ZBTB43: variants seen among roughly 807,000 people sequenced by gnomAD.
ZBTB43 encodes zinc finger and BTB domain containing 43, also known as zinc finger and BTB domain-containing protein 43.
Under a neutral mutation model 31.1 loss-of-function variants are expected in ZBTB43, and 6 were observed. That is an observed-to-expected ratio of 0.19 (90% CI 0.11 to 0.38). ZBTB43 has a LOEUF of 0.38. Among genes scored for constraint, ZBTB43 ranks in the 10% least tolerant of loss-of-function variants. The pLI, the probability that ZBTB43 is intolerant of heterozygous loss-of-function variation, is 1.00. For missense variants in ZBTB43, 379 were observed against 602.1 expected (o/e 0.63, Z 3.88); for synonymous variants, 212 against 221.7 (o/e 0.96, Z 0.39).
intron 2 of ZBTB43, among the ~76,000 whole-genome samples, chr9:126,810,784 T>C (rs1292116837): frequency 6.6e-6 from 1 of 151,294 alleles, no homozygotes; most frequent in Non-Finnish European, 1.5e-5. Flanking sequence ...ATTACAGGAG[T>C]GAGCCACCAT....
Position 126,835,370 on chromosome 9 carries a change from G to A in ZBTB43, c.*1457G>A, listed in dbSNP as rs2119176788. On this transcript the variant is annotated 3_prime_UTR_variant, in exon 3 of 3. Coordinates refer to ENST00000373464, the MANE Select transcript of ZBTB43 (RefSeq NM_014007.4). ...CTGAGGTTATCACCAGGGTAGGACAGGGTGCTACTACCATGTCATCTTTTC... is the reference window on the plus strand; with the variant it reads ...CTGAGGTTATCACCAGGGTAGGACAAGGTGCTACTACCATGTCATCTTTTC... The A allele has an allele frequency of 6.0e-6, 1 of 167,176 alleles. No individual in the cohort carries two copies. Among genetic ancestry groups the A allele is most frequent in the Admixed American group, 6.5e-5 (1 of 15,300 alleles). 10.4% of individuals were successfully genotyped at this position (167,176 alleles called of 1,614,324 possible).
At chr9:126,820,256 AGAG>A (rs1386999607) in intron 2 of ZBTB43, among the ~76,000 whole-genome samples, 5 of 152,220 alleles carry the variant, frequency 3.3e-5, no homozygotes, top group Non-Finnish European at 7.3e-5. Flanking sequence ...CCATAGCTAG[AGAG>A]GAGAAGACAA....
At chr9:126,806,200 C>T (rs2032124496) in intron 1 of ZBTB43, among the ~76,000 whole-genome samples, 1 of 152,170 alleles carries the variant, frequency 6.6e-6, no homozygotes, top group African/African-American at 2.4e-5. Context: ...TTTAACAGGC[C>T]TGTCTACAGG....
intron 2 of ZBTB43, among the ~76,000 whole-genome samples, chr9:126,828,389 T>C (rs1337937684): frequency 6.6e-6 from 1 of 151,788 alleles, no homozygotes; most frequent in African/African-American, 2.4e-5. Flanking sequence ...TTCACCGTGT[T>C]AGCCAGGATG....
chr9:126,816,343 G>C (rs1028012417), intron 2 of ZBTB43, among the ~76,000 whole-genome samples: 2 of 151,902 alleles, frequency 1.3e-5, no homozygotes, highest in African/African-American at 4.8e-5. Flanking sequence ...CTCTATATTA[G>C]TTTCCTGATA....
At chr9:126,815,186 TTATATATATAGTTTTCAATATATAAAAC>T (rs71493865) in intron 2 of ZBTB43, among the ~76,000 whole-genome samples, 55 of 149,158 alleles carry the variant, frequency 3.7e-4, no homozygotes, top group African/African-American at 1.0e-3. Context: ...TGTGTATTGT[TTATATATATAGTTTTCAATATATAAAAC>T]TATATATATA....
At chr9:126,804,869 T>C (rs951531335), upstream of ZBTB43, 1 of 152,482 alleles carries the variant, frequency 6.6e-6, no homozygotes, top group African/African-American at 2.4e-5. Flanking sequence ...ATTGACCCGC[T>C]CCAGAGTGTA....
At position 126,833,414 on chromosome 9, in the gene ZBTB43, T is replaced by C; in HGVS notation, c.905T>C (p.Phe302Ser). The C allele has an allele frequency of 6.2e-7, 1 of 1,614,068 alleles. No homozygotes were observed. The highest frequency in any genetic ancestry group is 1.7e-5 in the Admixed American group (1 of 60,022). Residue 302 changes from phenylalanine (F) to serine (S), a missense_variant, in exon 3 of 3, where the codon TTT becomes TCT. Physicochemically the swap from Phe to Ser is radical, Grantham distance 155. Around this residue, in one of 5 missense-constraint regions of ZBTB43, gnomAD observed 253 missense variants for 322.3 expected, o/e 0.79. Coordinates refer to ENST00000373464, the MANE Select transcript of ZBTB43 (RefSeq NM_014007.4). This position sits in a 1 kb window ranked among gnomAD's most constrained non-coding sequence, Gnocchi z 7.9. ...HIGEKKVEAE[F>S]DEQADESNYD... ...GGGGAGAAGAAAGTGGAAGCTGAGTTTGATGAACAGGCTGATGAAAGCAAT... is the reference window on the plus strand; with the variant it reads ...GGGGAGAAGAAAGTGGAAGCTGAGTCTGATGAACAGGCTGATGAAAGCAAT...
intron 2 of ZBTB43, among the ~76,000 whole-genome samples, chr9:126,829,155 A>T (rs2032714115): frequency 6.6e-6 from 1 of 152,050 alleles, no homozygotes; most frequent in African/African-American, 2.4e-5. Flanking sequence ...GTATCAGAAA[A>T]TTTTTTAAAA....
At chr9:126,805,870 G>A (rs2032115767) in intron 1 of ZBTB43, among the ~76,000 whole-genome samples, 1 of 151,198 alleles carries the variant, frequency 6.6e-6, no homozygotes, top group African/African-American at 2.5e-5. Context: ...TTTGGGTGGG[G>A]CAGGGCTGCC....
chr9:126,836,091 T>A lies in ZBTB43; in HGVS notation c.*2178T>A, dbSNP rs536157553. 6.0e-5 allele frequency: 10 copies of A among 167,254 alleles called. No homozygotes were observed. In the East Asian group the frequency reaches 1.9e-3, roughly 32 times the overall value. The allele number at this position is 167,254 out of a possible 1,614,324, so 10.4% of individuals were successfully genotyped here. On this transcript the variant is annotated 3_prime_UTR_variant, in exon 3 of 3. Transcript: ENST00000373464. ...GGAAGGTTTGATGTCCTGTTTCTCA[T>A]TGAAGACTATTTACATGATCATTAG...
chr9:126,811,354 A>G (rs1214564478), intron 2 of ZBTB43, among the ~76,000 whole-genome samples: 1 of 152,150 alleles, frequency 6.6e-6, no homozygotes, highest in Non-Finnish European at 1.5e-5. Context: ...TAAGTTGCTT[A>G]GCTTTTTTGT....
intron 2 of ZBTB43, among the ~76,000 whole-genome samples, chr9:126,821,865 A>AT (rs1309662422): frequency 1.6e-3 from 246 of 151,756 alleles, no homozygotes; most frequent in African/African-American, 5.7e-3. Context: ...AAAACATGAG[A>AT]TTTTTTTTCT....
chr9:126,809,813 T>C (rs1200685811), intron 2 of ZBTB43, among the ~76,000 whole-genome samples: 4 of 151,986 alleles, frequency 2.6e-5, no homozygotes, highest in African/African-American at 9.7e-5. Context: ...ATAAAATACA[T>C]GTGCAAAGTG....
At chr9:126,825,826 T>C (rs1407301598) in intron 2 of ZBTB43, among the ~76,000 whole-genome samples, 2 of 148,984 alleles carry the variant, frequency 1.3e-5, no homozygotes, top group Admixed American at 6.9e-5. Flanking sequence ...GCTTTTTCCA[T>C]TTGGTTCCTT....
chr9:126,832,984 T>G lies in ZBTB43; in HGVS notation c.475T>G (p.Ser159Ala). ...CCTGGTAGAGAGCTTTGAGCTGGGC[T>G]CTGGGGGTCATACTGATTTTCCCAA... ...NGLVESFELG[S>A]GGHTDFPKAQ... Residue 159 changes from serine to alanine, a missense_variant, in exon 3 of 3, where the codon TCT becomes GCT. Ser to Ala is a moderately conservative substitution (Grantham distance 99). Coordinates refer to ENST00000373464, the MANE Select transcript of ZBTB43 (RefSeq NM_014007.4). 6.2e-7 allele frequency: 1 copy of G among 1,613,706 alleles called. No individual in the cohort carries two copies. Among genetic ancestry groups the G allele is most frequent in the Non-Finnish European group, 8.5e-7 (1 of 1,180,016 alleles).
At chr9:126,811,859 T>C (rs1468489830) in intron 2 of ZBTB43, among the ~76,000 whole-genome samples, 1 of 152,164 alleles carries the variant, frequency 6.6e-6, no homozygotes, top group Non-Finnish European at 1.5e-5. Flanking sequence ...CTCCCGACCT[T>C]GTGATCCACC....
At position 126,837,094 on chromosome 9, in the gene ZBTB43, ACT is replaced by A. The variant is rs1034380648; in HGVS notation, c.*3184_*3185del. 6.2e-6 allele frequency: 1 copy of A among 161,952 alleles called. No homozygotes were observed. The highest frequency in any genetic ancestry group is 1.5e-5 in the Non-Finnish European group (1 of 67,452). The allele number at this position is 161,952 out of a possible 1,614,324, so 10.0% of individuals were successfully genotyped here. On this transcript the variant is annotated 3_prime_UTR_variant, in exon 3 of 3. Transcript: ENST00000373464. ...ACTCCAGCCTGCGCGACAGATCGAGACTCTGTCTCAAAAAAAAAAAAAAAATT... is the reference window on the plus strand; with the variant it reads ...ACTCCAGCCTGCGCGACAGATCGAGACTGTCTCAAAAAAAAAAAAAAAATT...
intron 1 of ZBTB43, among the ~76,000 whole-genome samples, chr9:126,807,281 A>G (rs2032147641): frequency 6.6e-6 from 1 of 152,280 alleles, no homozygotes; most frequent in Admixed American, 6.5e-5. Context: ...TTTTAGACTT[A>G]GACACTAAAA....
Sources: gnomAD v4.1 joint callset for allele counts (sites outside exome capture counted in the v4.1 genomes callset) on GRCh38, gnomAD v4.1.1 for gene constraint, gnomAD v4.1.1 regional missense constraint, Gnocchi (gnomAD v3.1) non-coding constraint, MANE v1.5 for transcripts, NCBI Gene and HGNC (gene_info 2026-07-23, HGNC 2026-07-21) for gene names.